TMEM161B: variants seen among roughly 807,000 people sequenced by gnomAD.
TMEM161B encodes transmembrane protein 161B.
Under a neutral mutation model 61.8 loss-of-function variants are expected in TMEM161B, and 34 were observed. That is an observed-to-expected ratio of 0.55 (90% CI 0.42 to 0.73). The LOEUF is 0.73. Among genes scored for constraint, TMEM161B ranks in the 30% least tolerant of loss-of-function variants. The pLI is 0.00. For synonymous variants in TMEM161B, 167 were observed against 192.8 expected (o/e 0.87, Z 1.11); for missense variants, 456 against 558.5 (o/e 0.82, Z 1.85).
downstream of TMEM161B, among the ~76,000 whole-genome samples, chr5:88,186,764 TA>T (rs201399127): frequency 2.8e-4 from 41 of 146,192 alleles, no homozygotes; most frequent in Non-Finnish European, 2.9e-4. Flanking sequence ...ACGTCTCTAC[TA>T]AAAAAAAAAA....
downstream of TMEM161B, among the ~76,000 whole-genome samples, chr5:88,190,974 A>G (rs935043986): frequency 3.9e-5 from 6 of 152,190 alleles, no homozygotes; most frequent in Admixed American, 2.0e-4. Context: ...AACCTCATTT[A>G]TCCTTTCCTT....
intron 1 of TMEM161B, among the ~76,000 whole-genome samples, chr5:88,267,975 C>T (rs1168157029): frequency 6.6e-6 from 1 of 152,162 alleles, no homozygotes; most frequent in Non-Finnish European, 1.5e-5. Context: ...TACATGGGCT[C>T]AGGGTAAAAC....
chr5:88,191,819 T>C (rs1748904046), downstream of TMEM161B, among the ~76,000 whole-genome samples: 1 of 150,318 alleles, frequency 6.7e-6, no homozygotes, highest in African/African-American at 2.4e-5. Flanking sequence ...TAGCTGGTCA[T>C]GGTGGCGGGC....
chr5:88,266,825 A>G (rs1280538618), intron 1 of TMEM161B, among the ~76,000 whole-genome samples: 1 of 152,248 alleles, frequency 6.6e-6, no homozygotes, highest in Non-Finnish European at 1.5e-5. Flanking sequence ...TAGCTGGGAA[A>G]GATAAAACTC....
intron 11 of TMEM161B, among the ~76,000 whole-genome samples, chr5:88,197,466 T>C (rs543047826): frequency 9.9e-5 from 15 of 152,238 alleles, no homozygotes; most frequent in African/African-American, 3.4e-4. Context: ...AGACAAAGCA[T>C]AAAGTTATAA....
chr5:88,206,944 C>A, intron 6 of TMEM161B, 85 bp downstream of exon 6: 1 of 1,118,324 alleles, frequency 8.9e-7, no homozygotes. Context: ...AGATATTTAT[C>A]AGACATAAAA....
At chr5:88,251,556 AGCCTG>A (rs1395092274) in intron 1 of TMEM161B, among the ~76,000 whole-genome samples, 3 of 151,806 alleles carry the variant, frequency 2.0e-5, no homozygotes, top group Non-Finnish European at 2.9e-5. Flanking sequence ...TCCCAAGGTT[AGCCTG>A]GCCAATGCCC....
chr5:88,248,553 G>T (rs75092033), intron 1 of TMEM161B, among the ~76,000 whole-genome samples: 1 of 151,856 alleles, frequency 6.6e-6, no homozygotes, highest in African/African-American at 2.4e-5. Flanking sequence ...CAATTCTTGC[G>T]GTTCCATGAG....
intron 4 of TMEM161B, among the ~76,000 whole-genome samples, chr5:88,224,978 T>G (rs1749763320): frequency 6.9e-6 from 1 of 144,888 alleles, no homozygotes; most frequent in African/African-American, 2.6e-5. Flanking sequence ...TTTTTTTTTT[T>G]TTTTTTTGAG....
At chr5:88,188,449 T>C (rs1748498508), downstream of TMEM161B, among the ~76,000 whole-genome samples, 1 of 152,152 alleles carries the variant, frequency 6.6e-6, no homozygotes, top group Non-Finnish European at 1.5e-5. Context: ...AATTCCATGG[T>C]GATCAGAAAA....
downstream of TMEM161B, among the ~76,000 whole-genome samples, chr5:88,194,764 T>C (rs1749351009): frequency 6.6e-6 from 1 of 152,148 alleles, no homozygotes; most frequent in African/African-American, 2.4e-5. Flanking sequence ...TCAAACTTGC[T>C]TTCAACAGTG....
intron 1 of TMEM161B, among the ~76,000 whole-genome samples, chr5:88,263,732 T>C (rs1410163309): frequency 1.3e-5 from 2 of 152,206 alleles, no homozygotes. Context: ...CTTTAAGCTT[T>C]TGTTGCGGAG....
chr5:88,187,090 T>A (rs1427397178), downstream of TMEM161B, among the ~76,000 whole-genome samples: 1 of 152,236 alleles, frequency 6.6e-6, no homozygotes, highest in African/African-American at 2.4e-5. Context: ...GGACATCCAA[T>A]TATTCTAGCA....
intron 1 of TMEM161B, among the ~76,000 whole-genome samples, chr5:88,248,040 G>A (rs1427270585): frequency 6.6e-6 from 1 of 152,080 alleles, no homozygotes; most frequent in Non-Finnish European, 1.5e-5. Flanking sequence ...CATTTTGGAA[G>A]GTAATGCATG....
At chr5:88,204,703 G>A (rs1027075582) in intron 8 of TMEM161B, among the ~76,000 whole-genome samples, 2 of 151,912 alleles carry the variant, frequency 1.3e-5, no homozygotes, top group African/African-American at 4.8e-5. Context: ...TTAGGGAGAC[G>A]GGTGGTGGGA....
chr5:88,240,444 A>G (rs1170846880), intron 2 of TMEM161B, among the ~76,000 whole-genome samples: 2 of 151,832 alleles, frequency 1.3e-5, no homozygotes, highest in African/African-American at 2.4e-5. Context: ...CACAGACCGA[A>G]AAAGAAAGAA....
chr5:88,217,053 A>G (rs1011097527), intron 5 of TMEM161B, among the ~76,000 whole-genome samples: 1 of 152,320 alleles, frequency 6.6e-6, no homozygotes, highest in Non-Finnish European at 1.5e-5. Context: ...AGGGTTGATG[A>G]ATGGATAAAA....
chr5:88,259,782 G>A (rs1019083007), intron 1 of TMEM161B, among the ~76,000 whole-genome samples: 7 of 152,086 alleles, frequency 4.6e-5, no homozygotes, highest in African/African-American at 1.7e-4. Context: ...AACTAGGTTC[G>A]GGAAACATTT....
intron 5 of TMEM161B, among the ~76,000 whole-genome samples, chr5:88,218,172 C>T (rs1389053959): frequency 2.0e-5 from 3 of 151,998 alleles, no homozygotes; most frequent in African/African-American, 7.3e-5. Context: ...GGATGACATT[C>T]TTGGGAAACC....
Sources: allele counts gnomAD v4.1 joint callset (sites outside exome capture counted in the v4.1 genomes callset), GRCh38; gene constraint gnomAD v4.1.1; transcripts MANE v1.5; gene names NCBI Gene and HGNC (gene_info 2026-07-23, HGNC 2026-07-21).